GAS7: variants seen among roughly 807,000 people sequenced by gnomAD.
GAS7 encodes growth arrest specific 7.
Under a neutral mutation model 71.1 loss-of-function variants are expected in GAS7, and 28 were observed. The observed-to-expected ratio is 0.39, with a 90% CI of 0.29 to 0.54. The LOEUF is 0.54. Among genes scored for constraint, GAS7 ranks in the 20% least tolerant of loss-of-function variants. GAS7 has a pLI of 0.62. For synonymous variants in GAS7, 258 were observed against 245.8 expected (o/e 1.05, Z -0.46); for missense variants, 436 against 627.8 (o/e 0.69, Z 3.27).
intron 11 of GAS7, among the ~76,000 whole-genome samples, chr17:9,920,029 T>C (rs183731450): frequency 7.0e-6 from 1 of 141,888 alleles, no homozygotes; most frequent in East Asian, 2.1e-4. Flanking sequence ...AGGGTATTCC[T>C]AGGACCCCCA....
chr17:10,005,097 A>G (rs1274420522), intron 2 of GAS7, among the ~76,000 whole-genome samples: 1 of 148,862 alleles, frequency 6.7e-6, no homozygotes, highest in African/African-American at 2.5e-5. Flanking sequence ...GTGCACGCAT[A>G]CATGCATGTG....
intron 1 of GAS7, among the ~76,000 whole-genome samples, chr17:10,076,056 T>C (rs561670217): frequency 7.3e-6 from 1 of 136,774 alleles, no homozygotes; most frequent in South Asian, 2.4e-4. Flanking sequence ...GAGCCAAGAA[T>C]GCACTATTGT....
chr17:10,060,765 T>C (rs2073211263), intron 1 of GAS7, among the ~76,000 whole-genome samples: 1 of 152,224 alleles, frequency 6.6e-6, no homozygotes, highest in Non-Finnish European at 1.5e-5. Context: ...ATGGTCCTTC[T>C]GCAGAGCAGT....
chr17:10,158,504 A>T (rs1370709619), intron 1 of GAS7, among the ~76,000 whole-genome samples: 5 of 151,980 alleles, frequency 3.3e-5, no homozygotes, highest in African/African-American at 1.2e-4. Flanking sequence ...ATAAAAAAAG[A>T]TATGTGCATT....
intron 1 of GAS7, among the ~76,000 whole-genome samples, chr17:10,160,302 G>T (rs770932747): frequency 6.6e-6 from 1 of 152,110 alleles, no homozygotes; most frequent in Non-Finnish European, 1.5e-5. Flanking sequence ...CAAGCAATTC[G>T]TAGAGATCTA....
At chr17:10,161,728 T>C (rs1567615378) in intron 1 of GAS7, among the ~76,000 whole-genome samples, 1 of 152,182 alleles carries the variant, frequency 6.6e-6, no homozygotes, top group Non-Finnish European at 1.5e-5. Flanking sequence ...TGATGGATGA[T>C]GAAGCCAAAT....
intron 1 of GAS7, among the ~76,000 whole-genome samples, chr17:10,189,225 G>A (rs9908775): frequency 0.096 from 14,649 of 151,968 alleles, 836 homozygotes; most frequent in South Asian, 0.14. Flanking sequence ...TACTCCCTCC[G>A]ATCAACACAC....
At chr17:10,159,790 T>TC (rs1555538402) in intron 1 of GAS7, among the ~76,000 whole-genome samples, 1 of 150,724 alleles carries the variant, frequency 6.6e-6, no homozygotes, top group Non-Finnish European at 1.5e-5. Flanking sequence ...TGTGACCTTT[T>TC]TTTTTTTTTT....
chr17:10,007,617 T>C (rs370984533), intron 2 of GAS7, among the ~76,000 whole-genome samples: 94 of 125,662 alleles, frequency 7.5e-4, no homozygotes, highest in African/African-American at 3.1e-3. Context: ...CACAGCAAGA[T>C]TCTGTCTCAA....
chr17:9,949,149 A>C (rs769020090), intron 5 of GAS7, among the ~76,000 whole-genome samples: 2 of 147,572 alleles, frequency 1.4e-5, no homozygotes, highest in Non-Finnish European at 2.9e-5. Flanking sequence ...CAGGGGTCAG[A>C]GGCTGCAGAG....
chr17:9,929,771 C>A (rs2068144092), intron 9 of GAS7, among the ~76,000 whole-genome samples: 1 of 152,086 alleles, frequency 6.6e-6, no homozygotes, highest in Admixed American at 6.5e-5. Flanking sequence ...GCCACTGTGC[C>A]CGACGATATT....
At chr17:9,929,177 C>T (rs1292142491) in intron 9 of GAS7, among the ~76,000 whole-genome samples, 1 of 152,146 alleles carries the variant, frequency 6.6e-6, no homozygotes, top group African/African-American at 2.4e-5. Flanking sequence ...GGAGAGTTAG[C>T]TCAGCCTGCT....
chr17:10,100,118 T>G (rs2152260693), intron 1 of GAS7, among the ~76,000 whole-genome samples: 1 of 152,328 alleles, frequency 6.6e-6, no homozygotes, highest in South Asian at 2.1e-4. Context: ...AAAAGAAGAC[T>G]CAGTGGAATT....
At chr17:10,194,760 T>G (rs368230459) in intron 1 of GAS7, among the ~76,000 whole-genome samples, 1 of 147,190 alleles carries the variant, frequency 6.8e-6, no homozygotes. Context: ...GATCACAAGG[T>G]GAGGAGATCG....
In GAS7 at chr17:10,158,235, G is replaced by A. The variant is rs191325234; in HGVS notation, c.183+39973C>T. ...TCACCGTGTTAGCCAGGATGGTCTCGATCTCCTGACCTTGTGATCCACCCA... is the reference window on the plus strand; with the variant it reads ...TCACCGTGTTAGCCAGGATGGTCTCAATCTCCTGACCTTGTGATCCACCCA... On this transcript the variant is annotated intron_variant, in intron 1 of 13. Transcript: ENST00000432992. Among the ~76,000 whole-genome samples the A allele has an allele frequency of 2.3e-4, 35 of 150,562 alleles. No individual in the cohort carries two copies. In the East Asian group the frequency reaches 6.3e-3, roughly 27 times the overall value.
intron 1 of GAS7, among the ~76,000 whole-genome samples, chr17:10,134,401 C>T (rs1445812798): frequency 2.6e-5 from 4 of 152,200 alleles, no homozygotes; most frequent in South Asian, 2.1e-4. Context: ...GGAGGGCAGA[C>T]GCCTCTTCCA....
chr17:9,980,895 G>C (rs1394396998), intron 3 of GAS7, among the ~76,000 whole-genome samples: 1 of 152,184 alleles, frequency 6.6e-6, no homozygotes, highest in African/African-American at 2.4e-5. Flanking sequence ...CATGAAAGGA[G>C]ATGTTGTTCT....
At chr17:10,086,741 T>A (rs1042682459) in intron 1 of GAS7, among the ~76,000 whole-genome samples, 1 of 152,256 alleles carries the variant, frequency 6.6e-6, no homozygotes, top group Non-Finnish European at 1.5e-5. Flanking sequence ...GGGTCAGGTA[T>A]AATCTCAGAG....
chr17:10,052,426 G>T (rs2073075045), intron 1 of GAS7, among the ~76,000 whole-genome samples: 1 of 152,164 alleles, frequency 6.6e-6, no homozygotes, highest in Non-Finnish European at 1.5e-5. Context: ...GGAGAAACAG[G>T]TCTAAGAGGG....
Sources: allele counts gnomAD v4.1 joint callset (sites outside exome capture counted in the v4.1 genomes callset), GRCh38; gene constraint gnomAD v4.1.1; transcripts MANE v1.5; gene names NCBI Gene and HGNC (gene_info 2026-07-23, HGNC 2026-07-21).